TMEM232: variants seen among roughly 807,000 people sequenced by gnomAD.
The protein encoded by TMEM232 is transmembrane protein 232.
Under a neutral mutation model 78.8 loss-of-function variants are expected in TMEM232, and 80 were observed. That is an observed-to-expected ratio of 1.01 (90% CI 0.85 to 1.22). The LOEUF (loss-of-function observed/expected upper bound fraction) is 1.22, where lower values mean the gene tolerates loss of function less well. TMEM232 is among the 50% of genes most tolerant of loss of function. TMEM232 has a pLI of 0.00. For missense variants in TMEM232, 881 were observed against 742.2 expected (o/e 1.19, Z -2.17); for synonymous variants, 297 against 254.3 (o/e 1.17, Z -1.60).
At chr5:110,388,318 G>A (rs1383060984) in intron 4 of TMEM232, among the ~76,000 whole-genome samples, 5 of 151,980 alleles carry the variant, frequency 3.3e-5, no homozygotes, top group African/African-American at 9.7e-5. Flanking sequence ...TACTGTGCAC[G>A]CGGCTGGCAA....
intron 1 of TMEM232, among the ~76,000 whole-genome samples, chr5:110,685,971 G>A (rs1453392384): frequency 6.6e-6 from 1 of 152,112 alleles, no homozygotes; most frequent in Non-Finnish European, 1.5e-5. Context: ...TGGTCTATGG[G>A]AGGTGTAAGG....
intron 7 of TMEM232, among the ~76,000 whole-genome samples, chr5:110,623,637 G>C (rs1221479737): frequency 6.6e-6 from 1 of 152,098 alleles, no homozygotes; most frequent in African/African-American, 2.4e-5. Context: ...GGCTGAAACT[G>C]GGGAACTTTA....
chr5:110,591,386 T>G (rs560696453), intron 10 of TMEM232, among the ~76,000 whole-genome samples: 4 of 152,212 alleles, frequency 2.6e-5, no homozygotes, highest in Admixed American at 2.6e-4. Context: ...TGATACTATT[T>G]TAAATGATTT....
At chr5:110,534,890 T>G (rs1248213700) in intron 11 of TMEM232, among the ~76,000 whole-genome samples, 1 of 152,130 alleles carries the variant, frequency 6.6e-6, no homozygotes, top group Non-Finnish European at 1.5e-5. Flanking sequence ...CCAATAATTC[T>G]AAATGACAAA....
At chr5:110,514,018 T>C (rs1411440832) in intron 12 of TMEM232, 1 of 168,840 alleles carries the variant, frequency 5.9e-6, no homozygotes, top group Non-Finnish European at 1.5e-5. Flanking sequence ...TCTAAGCCAA[T>C]GATCCAACCC....
At chr5:110,421,353 G>A (rs1404420866) in intron 13 of TMEM232, among the ~76,000 whole-genome samples, 1 of 151,420 alleles carries the variant, frequency 6.6e-6, no homozygotes, top group East Asian at 1.9e-4. Flanking sequence ...TATATTGGAA[G>A]GCAAGAGCCA....
At chr5:110,635,197 T>A (rs1054725448) in intron 5 of TMEM232, among the ~76,000 whole-genome samples, 1 of 151,430 alleles carries the variant, frequency 6.6e-6, no homozygotes, top group South Asian at 2.1e-4. Context: ...ACAAAAAGAT[T>A]CCCCCAAAAA....
At chr5:110,537,595 T>C (rs1772555234) in intron 11 of TMEM232, among the ~76,000 whole-genome samples, 2 of 152,134 alleles carry the variant, frequency 1.3e-5, no homozygotes, top group Admixed American at 6.5e-5. Flanking sequence ...TCTGCCTCCA[T>C]ACAGCCCCTT....
At chr5:110,698,278 G>C (rs558710854) in intron 1 of TMEM232, among the ~76,000 whole-genome samples, 2 of 151,862 alleles carry the variant, frequency 1.3e-5, no homozygotes, top group South Asian at 4.2e-4. Flanking sequence ...ACACACCAGG[G>C]ACTGTTGTGG....
At chr5:110,651,301 G>A (rs1446000038) in intron 2 of TMEM232, among the ~76,000 whole-genome samples, 3 of 152,084 alleles carry the variant, frequency 2.0e-5, no homozygotes, top group Non-Finnish European at 4.4e-5. Context: ...TATCGGGAAA[G>A]GTGAGACTTT....
chr5:110,720,149 C>A (rs1014430227), intron 1 of TMEM232, among the ~76,000 whole-genome samples: 2 of 151,952 alleles, frequency 1.3e-5, no homozygotes, highest in African/African-American at 4.8e-5. Context: ...CTGCCTTTTC[C>A]CCTGGGCAGT....
At chr5:110,470,084 G>T (rs1762510656) in intron 12 of TMEM232, among the ~76,000 whole-genome samples, 4 of 152,036 alleles carry the variant, frequency 2.6e-5, no homozygotes, top group Admixed American at 6.5e-5. Flanking sequence ...CTATCCCAGG[G>T]TCCAGAGTCA....
chr5:110,524,378 A>G lies in TMEM232; in HGVS notation c.1703+4210T>C, dbSNP rs1190418327. ...AAGAAAGAAAAAAAGAAAGAAAGAA[A>G]GAAAGAAAGAAAGAAAGAAAGAAAG... On this transcript the variant is annotated intron_variant, in intron 12 of 13. Transcript: ENST00000455884. Among the ~76,000 whole-genome samples the G allele has an allele frequency of 4.1e-5, 3 of 72,584 alleles. No individual in the cohort carries two copies. The East Asian group carries it at 1.4e-3, about 33-fold the overall frequency. The allele number at this position is 72,584 out of a possible 152,430, so 47.6% of individuals were successfully genotyped here.
chr5:110,454,056 T>A (rs1387403517), intron 12 of TMEM232, among the ~76,000 whole-genome samples: 3 of 152,134 alleles, frequency 2.0e-5, no homozygotes, highest in African/African-American at 7.2e-5. Flanking sequence ...AAATCTGTAA[T>A]TATACTTGGG....
At chr5:110,693,180 A>G (rs1312088041) in intron 1 of TMEM232, among the ~76,000 whole-genome samples, 2 of 152,186 alleles carry the variant, frequency 1.3e-5, no homozygotes, top group Admixed American at 6.5e-5. Context: ...TGCTGCTGAC[A>G]CCCAGGCAAA....
chr5:110,413,164 C>T (rs1188193522), intron 2 of TMEM232, among the ~76,000 whole-genome samples: 1 of 152,100 alleles, frequency 6.6e-6, no homozygotes, highest in Non-Finnish European at 1.5e-5. Context: ...AATCAGCTGC[C>T]AGTGCAGCTA....
At chr5:110,544,545 G>A (rs1262596660) in intron 11 of TMEM232, among the ~76,000 whole-genome samples, 1 of 150,498 alleles carries the variant, frequency 6.6e-6, no homozygotes, top group Non-Finnish European at 1.5e-5. Flanking sequence ...CATTATTTTT[G>A]ACATAAGAGA....
intron 12 of TMEM232, among the ~76,000 whole-genome samples, chr5:110,525,740 A>T (rs1425739707): frequency 6.6e-6 from 1 of 151,648 alleles, no homozygotes; most frequent in Non-Finnish European, 1.5e-5. Context: ...ATTGAAAAGC[A>T]CTGGCAATAT....
At chr5:110,608,683 C>A (rs868662771) in intron 8 of TMEM232, among the ~76,000 whole-genome samples, 1 of 152,052 alleles carries the variant, frequency 6.6e-6, no homozygotes, top group Middle Eastern at 3.4e-3. Context: ...TGCTGCTGAT[C>A]ACAAAATTAT....
Sources: gnomAD v4.1 joint callset for allele counts (sites outside exome capture counted in the v4.1 genomes callset) on GRCh38, gnomAD v4.1.1 for gene constraint, MANE v1.5 for transcripts, NCBI Gene and HGNC (gene_info 2026-07-23, HGNC 2026-07-21) for gene names.